IL34: variants seen among roughly 807,000 people sequenced by gnomAD.
IL34 encodes interleukin 34.
Under a neutral mutation model 25.3 loss-of-function variants are expected in IL34, and 17 were observed. That is an observed-to-expected ratio of 0.67 (90% confidence interval 0.46 to 1.01). The LOEUF (loss-of-function observed/expected upper bound fraction) is 1.01, where lower values mean the gene tolerates loss of function less well. Ranked by LOEUF, IL34 falls within the 50% of genes least tolerant of loss-of-function variation. The pLI is 0.00. For synonymous variants in IL34, 174 were observed against 140.9 expected (o/e 1.23, Z -1.66); for missense variants, 368 against 312.9 (o/e 1.18, Z -1.33).
At chr16:70,612,972 T>C (rs938125093) in intron 1 of IL34, among the ~76,000 whole-genome samples, 11 of 152,236 alleles carry the variant, frequency 7.2e-5, no homozygotes, top group African/African-American at 2.6e-4. Flanking sequence ...GGGGCTTCAC[T>C]GTGTTGGCCA....
At chr16:70,617,704 T>C (rs2051194596) in intron 1 of IL34, among the ~76,000 whole-genome samples, 1 of 152,136 alleles carries the variant, frequency 6.6e-6, no homozygotes. Context: ...CTTTAGTCCA[T>C]TCTACTTTTC....
rs74690061 is a variant in IL34, at chr16:70,658,155, G to A, written c.402+1034G>A. ...AGCTGCTGACAAGGCCCAGCTTGTC[G>A]GGAGAACATCCCAGGCCAACTGTGA... is the stretch of plus-strand genomic sequence containing the variant. On this transcript the variant is annotated intron_variant, in intron 4 of 5. Transcript: ENST00000288098. 3.7e-3 allele frequency among the ~76,000 whole-genome samples: 562 copies of A among 152,222 alleles called. 8 individuals are homozygous for A. Among genetic ancestry groups the A allele is most frequent in the African/African-American group, 0.012 (517 of 41,522 alleles).
At position 70,656,699 on chromosome 16, in the gene IL34, C is replaced by G. The variant is rs1363719608; in HGVS notation, c.240+20C>G. 5 of 1,177,650 alleles carry G rather than the reference C, an allele frequency of 4.2e-6. No individual in the cohort carries two copies. The highest frequency in any genetic ancestry group is 5.1e-6 in the Non-Finnish European group (4 of 781,146). 73.0% of individuals were successfully genotyped at this position (1,177,650 alleles called of 1,614,324 possible). A position where few individuals can be genotyped will look rare whatever the true frequency, so the allele number is the denominator to read the frequency against. ...AGGCTGGTGAGAATCCCTTCCTGGG[C>G]TGGGGGGACCCTGCCTCCTGCGACA... On this transcript the variant is annotated intron_variant, in intron 3 of 5. Coordinates refer to ENST00000288098, the MANE Select transcript of IL34 (RefSeq NM_001393494.1).
chr16:70,619,607 T>A (rs2051236857), intron 1 of IL34, among the ~76,000 whole-genome samples: 1 of 151,016 alleles, frequency 6.6e-6, no homozygotes, highest in Non-Finnish European at 1.5e-5. Context: ...TAATGTGGAG[T>A]GGGTAGCCTC....
upstream of IL34, among the ~76,000 whole-genome samples, chr16:70,642,420 C>G (rs1330747060): frequency 2.6e-5 from 4 of 151,538 alleles, no homozygotes; most frequent in Non-Finnish European, 5.9e-5. Context: ...GCCTCAGCCT[C>G]CTGAGTAGCT....
upstream of IL34, among the ~76,000 whole-genome samples, chr16:70,646,301 C>G (rs989474388): frequency 3.9e-5 from 6 of 152,146 alleles, no homozygotes; most frequent in African/African-American, 1.4e-4. Context: ...TGTGTGAACT[C>G]AAACCACCTG....
chr16:70,624,973 G>T (rs1459164793), intron 1 of IL34, among the ~76,000 whole-genome samples: 1 of 152,084 alleles, frequency 6.6e-6, no homozygotes, highest in East Asian at 1.9e-4. Flanking sequence ...ACTAGGAAGG[G>T]ACTGATGTGT....
intron 2 of IL34, 46 bp downstream of exon 2, chr16:70,654,717 G>T (rs1365545840): frequency 3.8e-6 from 6 of 1,560,708 alleles, no homozygotes; most frequent in Non-Finnish European, 4.4e-6. Flanking sequence ...GCGTCCCGGG[G>T]TTCACCTGGC....
At chr16:70,624,583 A>G (rs2051350245) in intron 1 of IL34, among the ~76,000 whole-genome samples, 2 of 152,168 alleles carry the variant, frequency 1.3e-5, no homozygotes, top group African/African-American at 2.4e-5. Flanking sequence ...ACTGGGCTGG[A>G]TTTTTATATT....
At chr16:70,608,598 G>T (rs1280437874) in intron 1 of IL34, among the ~76,000 whole-genome samples, 1 of 152,176 alleles carries the variant, frequency 6.6e-6, no homozygotes, top group Non-Finnish European at 1.5e-5. Context: ...ACAGATCAAG[G>T]GTGGGGAGAG....
chr16:70,585,523 T>C (rs1240341223), intron 1 of IL34, among the ~76,000 whole-genome samples: 2 of 151,800 alleles, frequency 1.3e-5, no homozygotes, highest in Non-Finnish European at 2.9e-5. Context: ...TTGTCTCTAC[T>C]AAAAATACAA....
intron 5 of IL34, 32 bp downstream of exon 5, chr16:70,659,785 G>A (rs754481670): frequency 6.3e-7 from 1 of 1,577,420 alleles, no homozygotes; most frequent in Non-Finnish European, 8.6e-7. Flanking sequence ...GCGCCTGGGG[G>A]TGGGAGGCCA....
chr16:70,654,508 T>C (rs2052162049), intron 1 of IL34, 30 bp from the exon 2 acceptor site: 2 of 1,582,374 alleles, frequency 1.3e-6, no homozygotes, highest in East Asian at 2.3e-5. Context: ...TGGAGGGTGC[T>C]CATGTGCTCT....
chr16:70,592,796 A>G, intron 1 of IL34, among the ~76,000 whole-genome samples: 1 of 152,100 alleles, frequency 6.6e-6, no homozygotes, highest in African/African-American at 2.4e-5. Context: ...CTGGGATTAC[A>G]GGCACATGCC....
At chr16:70,627,557 C>G (rs2051423908) in intron 1 of IL34, among the ~76,000 whole-genome samples, 1 of 151,848 alleles carries the variant, frequency 6.6e-6, no homozygotes, top group African/African-American at 2.4e-5. Context: ...TCTAGGCTCA[C>G]TGCAGCCTCT....
chr16:70,646,533 C>T (rs1209481120), upstream of IL34: 2 of 204,156 alleles, frequency 9.8e-6, no homozygotes, highest in Admixed American at 6.1e-5. Flanking sequence ...TTTCTCTCCT[C>T]CTTTCTCTTC....
chr16:70,653,346 C>CAAAAAAAAAAAA (rs200626111), intron 1 of IL34, among the ~76,000 whole-genome samples: 15 of 86,866 alleles, frequency 1.7e-4, no homozygotes, highest in African/African-American at 3.5e-4. Flanking sequence ...AACCCTGTCT[C>CAAAAAAAAAAAA]AAAAAAAAAA....
At chr16:70,628,462 GGTTT>G (rs201430109) in intron 1 of IL34, among the ~76,000 whole-genome samples, 39 of 150,108 alleles carry the variant, frequency 2.6e-4, no homozygotes, top group African/African-American at 9.4e-4. Context: ...CTAGTGTGTG[GGTTT>G]GTTTTTATTT....
chr16:70,591,454 A>C (rs890131331), intron 1 of IL34, among the ~76,000 whole-genome samples: 1 of 151,846 alleles, frequency 6.6e-6, no homozygotes, highest in Non-Finnish European at 1.5e-5. Flanking sequence ...CTGTAGTCCC[A>C]GCTACTCAGG....
Sources: gnomAD v4.1 joint callset for allele counts (sites outside exome capture counted in the v4.1 genomes callset) on GRCh38, gnomAD v4.1.1 for gene constraint, MANE v1.5 for transcripts, NCBI Gene and HGNC (gene_info 2026-07-23, HGNC 2026-07-21) for gene names.